Variants in PHF2 observed in about 807,000 individuals in gnomAD.
PHF2 encodes the protein PHD finger protein 2, also known as lysine-specific demethylase PHF2.
In PHF2, 27 loss-of-function variants were observed where a neutral mutation model predicts 120.5. The ratio of observed to expected loss-of-function variants is 0.22; its 90% CI spans 0.17 to 0.31. PHF2 has a LOEUF of 0.31. PHF2 is among the 10% of genes least tolerant of loss of function. PHF2 has a pLI of 1.00. For missense variants in PHF2, 1,024 were observed against 1,434.8 expected (o/e 0.71, Z 4.63); for synonymous variants, 568 against 592.5 (o/e 0.96, Z 0.60).
chr9:93,662,533 C>CGGATGGAT (rs138382841), intron 12 of PHF2, among the ~76,000 whole-genome samples: 202 of 111,946 alleles, frequency 1.8e-3, no homozygotes, highest in African/African-American at 6.1e-3. Flanking sequence ...GATGGGTGGG[C>CGGATGGAT]GGATGGATGG....
At chr9:93,627,518 C>A (rs111522793) in intron 1 of PHF2, among the ~76,000 whole-genome samples, 7,819 of 51,498 alleles carry the variant, frequency 0.15, 335 homozygotes, top group South Asian at 0.26. Flanking sequence ...TGTCTAATTG[C>A]TCTGGCTAGA....
chr9:93,660,195 G>A lies in PHF2; in HGVS notation c.1333G>A (p.Ala445Thr), dbSNP rs372249971. The part of the protein sequence containing the change: ...LAKEIRLSEN[A>T]SKAVRPEVNT... Reference sequence around the variant, plus strand: ...CCCTCTCCTTTCTGTATCCCAGAATGCCTCCAAAGCCGTCCGACCGGAAGT... The same window carrying A: ...CCCTCTCCTTTCTGTATCCCAGAATACCTCCAAAGCCGTCCGACCGGAAGT... The change falls in exon 12 of 22, where the codon GCC becomes ACC. Residue 445 changes from alanine to threonine, a missense_variant. This residue lies in a region of PHF2 where 677 missense variants were observed against 857.4 expected (regional missense o/e 0.79). Transcript: ENST00000359246. 20 of 1,548,766 alleles carry A rather than the reference G, an allele frequency of 1.3e-5. No homozygotes were observed. Among genetic ancestry groups the A allele is most frequent in the South Asian group, 1.3e-5 (1 of 79,338 alleles).
intron 1 of PHF2, among the ~76,000 whole-genome samples, chr9:93,607,395 C>T (rs1331645383): frequency 1.3e-5 from 2 of 151,798 alleles, no homozygotes; most frequent in African/African-American, 4.8e-5. Flanking sequence ...CCTCAGCCTC[C>T]CGAGTAGCTG....
intron 12 of PHF2, among the ~76,000 whole-genome samples, chr9:93,662,533 CGG>C (rs1826590749): frequency 8.9e-6 from 1 of 111,904 alleles, no homozygotes; most frequent in African/African-American, 3.2e-5. Context: ...GATGGGTGGG[CGG>C]ATGGATGGAT....
At chr9:93,612,099 A>G (rs1056680657) in intron 1 of PHF2, among the ~76,000 whole-genome samples, 1 of 152,220 alleles carries the variant, frequency 6.6e-6, no homozygotes, top group Non-Finnish European at 1.5e-5. Flanking sequence ...CTCTTTGCTG[A>G]ACAATATACA....
chr9:93,669,941 C>T (rs1564402452), intron 17 of PHF2, among the ~76,000 whole-genome samples: 1 of 152,352 alleles, frequency 6.6e-6, no homozygotes. Flanking sequence ...CCGCCTGCCA[C>T]TGTATTGGCC....
intron 1 of PHF2, among the ~76,000 whole-genome samples, chr9:93,620,411 G>T (rs1825806757): frequency 6.6e-6 from 1 of 152,258 alleles, no homozygotes; most frequent in Non-Finnish European, 1.5e-5. Context: ...GAGTGGGCCT[G>T]GCTGGGGGAT....
At chr9:93,628,464 G>A (rs1825948082) in intron 1 of PHF2, among the ~76,000 whole-genome samples, 1 of 152,256 alleles carries the variant, frequency 6.6e-6, no homozygotes, top group African/African-American at 2.4e-5. Context: ...GGCAGTTTGT[G>A]TGCTTCTGAG....
Position 93,626,743 on chromosome 9 carries a change from G to C in PHF2, c.99-3227G>C, listed in dbSNP as rs369918017. Among the ~76,000 whole-genome samples the C allele has an allele frequency of 5.3e-5, 8 of 152,180 alleles. No individual in the cohort carries two copies. The East Asian group carries it at 9.6e-4, about 18-fold the overall frequency. Reference sequence around the variant, plus strand: ...TATTTAGGTTGCCAATCCATTTCTAGTTAATTTTTGTATGTGGTGTGAGGT... The same window carrying C: ...TATTTAGGTTGCCAATCCATTTCTACTTAATTTTTGTATGTGGTGTGAGGT... On this transcript the variant is annotated intron_variant, in intron 1 of 21. Transcript: ENST00000359246.
intron 1 of PHF2, among the ~76,000 whole-genome samples, chr9:93,590,192 A>G (rs1030001542): frequency 2.0e-5 from 3 of 152,248 alleles, no homozygotes; most frequent in Non-Finnish European, 4.4e-5. Flanking sequence ...ATCTTTGTCA[A>G]TTCAACCAGA....
chr9:93,585,247 G>T (rs1863017726), intron 1 of PHF2, among the ~76,000 whole-genome samples: 1 of 152,226 alleles, frequency 6.6e-6, no homozygotes, highest in South Asian at 2.1e-4. Context: ...GTCGAACTAG[G>T]CGTTTTCCAT....
At chr9:93,623,305 T>A (rs1825854743) in intron 1 of PHF2, among the ~76,000 whole-genome samples, 1 of 152,196 alleles carries the variant, frequency 6.6e-6, no homozygotes, top group Non-Finnish European at 1.5e-5. Flanking sequence ...GGGACTGTCT[T>A]CAGCTCCCAG....
intron 1 of PHF2, among the ~76,000 whole-genome samples, chr9:93,580,366 C>G (rs1054426408): frequency 6.6e-6 from 1 of 152,146 alleles, no homozygotes; most frequent in Non-Finnish European, 1.5e-5. Flanking sequence ...CGCTCTGCAC[C>G]GGCACTGAGG....
intron 1 of PHF2, among the ~76,000 whole-genome samples, chr9:93,619,272 G>C (rs1331482005): frequency 6.6e-6 from 1 of 152,200 alleles, no homozygotes; most frequent in East Asian, 1.9e-4. Context: ...CCTTGGGCCT[G>C]TGAGTGGGTG....
At chr9:93,587,907 G>C (rs1034178469) in intron 1 of PHF2, among the ~76,000 whole-genome samples, 1 of 152,192 alleles carries the variant, frequency 6.6e-6, no homozygotes, top group African/African-American at 2.4e-5. Flanking sequence ...CTGCTGGGTA[G>C]CCCTTGACCC....
intron 9 of PHF2, 118 bp from the exon 10 acceptor site, chr9:93,658,027 C>A: frequency 1.5e-6 from 1 of 665,772 alleles, no homozygotes; most frequent in Non-Finnish European, 2.7e-6. Context: ...TGGCCATGGG[C>A]GGAGGGAGAC....
intron 1 of PHF2, among the ~76,000 whole-genome samples, chr9:93,617,654 A>T (rs1447367546): frequency 2.0e-5 from 3 of 152,154 alleles, no homozygotes; most frequent in Admixed American, 6.5e-5. Flanking sequence ...AGATATGTAT[A>T]TGTTTATTAA....
chr9:93,582,211 C>T (rs1192772313), intron 1 of PHF2, among the ~76,000 whole-genome samples: 2 of 152,200 alleles, frequency 1.3e-5, no homozygotes, highest in Non-Finnish European at 2.9e-5. Context: ...AGCAGGTGGA[C>T]ACACTCACCT....
chr9:93,636,261 G>A, intron 2 of PHF2, 150 bp from the exon 3 acceptor site: 2 of 617,844 alleles, frequency 3.2e-6, no homozygotes, highest in South Asian at 1.9e-5. Context: ...ATGGCAGGGT[G>A]GGGGTGTCAT....
Sources: gnomAD v4.1 joint callset for allele counts (sites outside exome capture counted in the v4.1 genomes callset) on GRCh38, gnomAD v4.1.1 for gene constraint, gnomAD v4.1.1 regional missense constraint, MANE v1.5 for transcripts, NCBI Gene and HGNC (gene_info 2026-07-23, HGNC 2026-07-21) for gene names.